PHACTR2: variants seen among roughly 807,000 people sequenced by gnomAD.
PHACTR2 encodes chromosome 6 open reading frame 56.
A neutral mutation model predicts 76.0 loss-of-function variants in PHACTR2; 30 were observed. The observed-to-expected ratio is 0.39, with a 90% CI of 0.30 to 0.54. The LOEUF (loss-of-function observed/expected upper bound fraction) is 0.54, where lower values mean the gene tolerates loss of function less well. Ranked by LOEUF, PHACTR2 falls within the 20% of genes least tolerant of loss-of-function variation. PHACTR2 has a pLI of 0.61. For missense variants in PHACTR2, 696 were observed against 781.1 expected (o/e 0.89, Z 1.30); for synonymous variants, 292 against 292.5 (o/e 1.00, Z 0.02).
chr6:143,774,229 T>G lies in PHACTR2; in HGVS notation c.1589+14T>G, dbSNP rs117664562. 4,385 of 1,609,916 alleles carry G rather than the reference T, an allele frequency of 2.7e-3. 81 individuals carry two copies. The South Asian group carries it at 0.032, about 12-fold the overall frequency. ...CAAGTTAGTCAGGTAATTGCTAACA[T>G]TTTAGGACAGTACTGACTAATTTGT... On this transcript the variant is annotated intron_variant, in intron 8 of 12. Coordinates refer to ENST00000440869, the MANE Select transcript of PHACTR2 (RefSeq NM_001100164.2). The surrounding 1 kb of genome is among the most constrained non-coding windows in gnomAD (Gnocchi z 5.4).
intron 12 of PHACTR2, chr6:143,810,460 C>T (rs990510255): frequency 3.1e-5 from 11 of 358,394 alleles, no homozygotes; most frequent in Admixed American, 2.0e-4. Flanking sequence ...CTCATGTGGT[C>T]GAGAGGTTTA....
In PHACTR2 at chr6:143,696,945, G is replaced by C. The variant is rs533871650; in HGVS notation, c.47-15071G>C. On this transcript the variant is annotated intron_variant, in intron 1 of 12. Transcript: ENST00000440869. The surrounding 1 kb of genome is among the most constrained non-coding windows in gnomAD (Gnocchi z 4.1). ...AATAAAAACTTGTTGCTGGCTGCCA[G>C]TCTTAAAGAATGATTCCTCGTCATT... Among the ~76,000 whole-genome samples the C allele has an allele frequency of 1.4e-4, 21 of 152,282 alleles. No homozygotes were observed. The highest frequency in any genetic ancestry group is 4.8e-4 in the African/African-American group (20 of 41,558).
intron 1 of PHACTR2, among the ~76,000 whole-genome samples, chr6:143,660,330 G>A (rs149830073): frequency 0.019 from 2,937 of 152,168 alleles, 72 homozygotes; most frequent in African/African-American, 0.066. Flanking sequence ...GGAGGAGCAA[G>A]TCACATCTTA....
intron 1 of PHACTR2, among the ~76,000 whole-genome samples, chr6:143,590,280 C>T (rs1334784262): frequency 6.6e-6 from 1 of 152,036 alleles, no homozygotes; most frequent in Non-Finnish European, 1.5e-5. Context: ...CTTTTAGGAA[C>T]TCACCACCAT....
chr6:143,658,383 A>C lies in PHACTR2; in HGVS notation c.13+50061A>C, dbSNP rs1053800328. 2.6e-5 allele frequency among the ~76,000 whole-genome samples: 4 copies of C among 152,228 alleles called. No individual in the cohort carries two copies. The highest frequency in any genetic ancestry group is 5.9e-5 in the Non-Finnish European group (4 of 68,038). On this transcript the variant is annotated intron_variant, in intron 1 of 11. Transcript: ENST00000305766. This position sits in a 1 kb window ranked among gnomAD's most constrained non-coding sequence, Gnocchi z 4.1. ...AAGGTTCTCCTGTGCAGTATTTGAA[A>C]ACGAATTACAGCACTCAGTCTCTTT... is the stretch of plus-strand genomic sequence containing the variant.
Position 143,755,538 on chromosome 6 carries a change from A to C in PHACTR2, c.454+1626A>C. The C allele has an allele frequency of 2.8e-6, 1 of 356,472 alleles. No individual in the cohort carries two copies. Among genetic ancestry groups the C allele is most frequent in the Non-Finnish European group, 5.5e-6 (1 of 180,952 alleles). 22.1% of individuals were successfully genotyped at this position (356,472 alleles called of 1,614,324 possible). On this transcript the variant is annotated intron_variant, in intron 4 of 12. Coordinates refer to ENST00000440869, the MANE Select transcript of PHACTR2 (RefSeq NM_001100164.2). The surrounding 1 kb of genome is among the most constrained non-coding windows in gnomAD (Gnocchi z 5.2). ...CTTGATGTTCTTGAAAGAAGATAGC[A>C]GACCTTATGGGTCCATGAATAGTTG...
chr6:143,714,993 T>C (rs558210176), intron 2 of PHACTR2, among the ~76,000 whole-genome samples: 249 of 152,304 alleles, frequency 1.6e-3, no homozygotes, highest in African/African-American at 5.8e-3. Flanking sequence ...CTCTAACTTA[T>C]CACAGTGTAT....
In PHACTR2 at chr6:143,659,527, C is replaced by A. The variant is rs948501527; in HGVS notation, c.13+51205C>A. ...GCCAGACTGAGGGCTCAGTTTCTTGCTGGCTGTGAGTGGGAGGTTGCCCTC... is the reference window on the plus strand; with the variant it reads ...GCCAGACTGAGGGCTCAGTTTCTTGATGGCTGTGAGTGGGAGGTTGCCCTC... On this transcript the variant is annotated intron_variant, in intron 1 of 11. Coordinates refer to the PHACTR2 transcript ENST00000305766. This position sits in a 1 kb window ranked among gnomAD's most constrained non-coding sequence, Gnocchi z 5.0. 1.3e-5 allele frequency among the ~76,000 whole-genome samples: 2 copies of A among 152,172 alleles called. No individual in the cohort carries two copies. The highest frequency in any genetic ancestry group is 6.5e-5 in the Admixed American group (1 of 15,282).
At chr6:143,600,443 C>T (rs532110098) in intron 1 of PHACTR2, among the ~76,000 whole-genome samples, 1 of 152,360 alleles carries the variant, frequency 6.6e-6, no homozygotes, top group Non-Finnish European at 1.5e-5. Context: ...TTGCTGCCAA[C>T]TCAATAATTT....
chr6:143,774,289 G>A lies in PHACTR2; in HGVS notation c.1589+74G>A. ...CCTCCCAAAGCTTCCTACCTAACTG[G>A]GGTCATTGTGAATTCCTTATGTACA... On this transcript the variant is annotated intron_variant, in intron 8 of 12. Transcript: ENST00000440869. This position sits in a 1 kb window ranked among gnomAD's most constrained non-coding sequence, Gnocchi z 5.4. 8.0e-7 allele frequency: 1 copy of A among 1,244,294 alleles called. No homozygotes were observed. The highest frequency in any genetic ancestry group is 1.5e-5 in the African/African-American group (1 of 66,956). The allele number at this position is 1,244,294 out of a possible 1,614,324, so 77.1% of individuals were successfully genotyped here. A position where few individuals can be genotyped will look rare whatever the true frequency, so the allele number is the denominator to read the frequency against.
At chr6:143,593,224 T>TAGGA (rs1268784695) in intron 1 of PHACTR2, among the ~76,000 whole-genome samples, 1 of 152,072 alleles carries the variant, frequency 6.6e-6, no homozygotes, top group African/African-American at 2.4e-5. Flanking sequence ...CCTGTCCTCA[T>TAGGA]AGGAAGTCCT....
chr6:143,790,130 A>G (rs1562308689), intron 11 of PHACTR2, among the ~76,000 whole-genome samples: 3 of 152,164 alleles, frequency 2.0e-5, no homozygotes. Flanking sequence ...GACAACGAGG[A>G]TCAAACACAA....
At chr6:143,681,172 G>A (rs1777381197) in intron 1 of PHACTR2, among the ~76,000 whole-genome samples, 1 of 152,086 alleles carries the variant, frequency 6.6e-6, no homozygotes, top group Non-Finnish European at 1.5e-5. Flanking sequence ...AACCTTTTAT[G>A]GTGTTGCCAA....
rs1033779649 is a variant in PHACTR2, at chr6:143,751,453, G to A, written c.296-2301G>A. On this transcript the variant is annotated intron_variant, in intron 3 of 12. Coordinates refer to ENST00000440869, the MANE Select transcript of PHACTR2 (RefSeq NM_001100164.2). This position sits in a 1 kb window ranked among gnomAD's most constrained non-coding sequence, Gnocchi z 5.7. Reference sequence around the variant, plus strand: ...TGAGGTTGTGGAGGTGGTTTTGCCTGTGTGCCATCCTTTCCTTTTCTCCCA... The same window carrying A: ...TGAGGTTGTGGAGGTGGTTTTGCCTATGTGCCATCCTTTCCTTTTCTCCCA... 1.3e-5 allele frequency among the ~76,000 whole-genome samples: 2 copies of A among 152,044 alleles called. No individual in the cohort carries two copies. The highest frequency in any genetic ancestry group is 2.9e-5 in the Non-Finnish European group (2 of 68,018).
intron 1 of PHACTR2, among the ~76,000 whole-genome samples, chr6:143,612,946 T>C (rs1776001678): frequency 6.6e-6 from 1 of 152,248 alleles, no homozygotes; most frequent in Non-Finnish European, 1.5e-5. Flanking sequence ...AAAATAAATA[T>C]TCTTAGAAGC....
Position 143,611,113 on chromosome 6 carries a change from A to G in PHACTR2, c.13+2791A>G, listed in dbSNP as rs1183366627. On this transcript the variant is annotated intron_variant, in intron 1 of 11. Transcript: ENST00000305766. The surrounding 1 kb of genome is among the most constrained non-coding windows in gnomAD (Gnocchi z 4.4). ...GTGTGTGTTTTTTATCTGAAACACA[A>G]TTTTTGAAATGTAATCCCATATTCT... 6.6e-6 allele frequency among the ~76,000 whole-genome samples: 1 copy of G among 152,062 alleles called. No homozygotes were observed. Among genetic ancestry groups the G allele is most frequent in the Non-Finnish European group, 1.5e-5 (1 of 68,018 alleles).
Position 143,743,475 on chromosome 6 carries a change from G to A in PHACTR2, c.215-5510G>A, listed in dbSNP as rs1778989935. Reference sequence around the variant, plus strand: ...CCCCTGAGTGTTTTTAGGTGGGGATGTTGGCTTTGTATCTCTGCTGTACAT... The same window carrying A: ...CCCCTGAGTGTTTTTAGGTGGGGATATTGGCTTTGTATCTCTGCTGTACAT... On this transcript the variant is annotated intron_variant, in intron 2 of 12. Coordinates refer to ENST00000440869, the MANE Select transcript of PHACTR2 (RefSeq NM_001100164.2). This position sits in a 1 kb window ranked among gnomAD's most constrained non-coding sequence, Gnocchi z 5.0. Among the ~76,000 whole-genome samples, 6 of 152,212 alleles carry A rather than the reference G, an allele frequency of 3.9e-5. No individual in the cohort carries two copies. Among genetic ancestry groups the A allele is most frequent in the Admixed American group, 2.0e-4 (3 of 15,290 alleles).
intron 1 of PHACTR2, among the ~76,000 whole-genome samples, chr6:143,685,498 C>T (rs1777492261): frequency 6.6e-6 from 1 of 152,032 alleles, no homozygotes; most frequent in African/African-American, 2.4e-5. Flanking sequence ...CCAGGAACTA[C>T]TCTAAGTGCT....
intron 3 of PHACTR2, among the ~76,000 whole-genome samples, chr6:143,749,546 TA>T (rs1321753542): frequency 1.3e-5 from 2 of 152,228 alleles, no homozygotes; most frequent in Non-Finnish European, 2.9e-5. Flanking sequence ...GTACAATCAA[TA>T]AAGCATGAAT....
Sources: gnomAD v4.1 joint callset for allele counts (sites outside exome capture counted in the v4.1 genomes callset) on GRCh38, gnomAD v4.1.1 for gene constraint, Gnocchi (gnomAD v3.1) non-coding constraint, MANE v1.5 for transcripts, NCBI Gene and HGNC (gene_info 2026-07-23, HGNC 2026-07-21) for gene names.